RAPGEF5: variants seen among roughly 807,000 people sequenced by gnomAD.
RAPGEF5 encodes Rap guanine nucleotide exchange factor 5.
In RAPGEF5, 65 loss-of-function variants were observed where a neutral mutation model predicts 125.2. The ratio of observed to expected loss-of-function variants is 0.52; its 90% CI spans 0.43 to 0.64. The LOEUF (loss-of-function observed/expected upper bound fraction) is 0.64. Among genes scored for constraint, RAPGEF5 ranks in the 30% least tolerant of loss-of-function variants. The probability of loss-of-function intolerance (pLI) is 0.00; values close to 1 mark genes in which losing one functional copy is unlikely to be tolerated. For synonymous variants in RAPGEF5, 391 were observed against 385.9 expected, an observed-to-expected ratio of 1.01 and a Z score of -0.16; for missense variants, 958 against 1,048.1, an observed-to-expected ratio of 0.91 and a Z score of 1.19.
At chr7:22,165,436 T>A (rs569050387) in intron 12 of RAPGEF5, among the ~76,000 whole-genome samples, 2 of 152,320 alleles carry the variant, frequency 1.3e-5, no homozygotes, top group African/African-American at 4.8e-5. Flanking sequence ...CAGATATTTT[T>A]CCAAAACACT....
chr7:22,171,763 G>C (rs569040627), intron 11 of RAPGEF5, among the ~76,000 whole-genome samples: 1 of 152,162 alleles, frequency 6.6e-6, no homozygotes, highest in Non-Finnish European at 1.5e-5. Context: ...GCCTCCCAAA[G>C]TGCTGGGATT....
At position 22,357,066 on chromosome 7, in the gene RAPGEF5, G is replaced by A. The variant is rs1411054731; in HGVS notation, c.-6C>T. On this transcript the variant is annotated 5_prime_UTR_variant, in exon 1 of 26. Coordinates refer to ENST00000665637, the MANE Select transcript of RAPGEF5 (RefSeq NM_012294.5). Reference sequence around the variant, plus strand: ...GAGCCCACGGCCATCCTCATGCCCTGACGGCGCTGCGGCGCCGGGGGCTCC... The same window carrying A: ...GAGCCCACGGCCATCCTCATGCCCTAACGGCGCTGCGGCGCCGGGGGCTCC... The A allele has an allele frequency of 9.6e-7, 1 of 1,038,828 alleles. No homozygotes were observed. Among genetic ancestry groups the A allele is most frequent in the Non-Finnish European group, 1.2e-6 (1 of 865,718 alleles). 64.4% of individuals were successfully genotyped at this position (1,038,828 alleles called of 1,614,324 possible).
intron 16 of RAPGEF5, among the ~76,000 whole-genome samples, chr7:22,155,913 T>A (rs1412553075): frequency 6.6e-6 from 1 of 152,134 alleles, no homozygotes; most frequent in East Asian, 1.9e-4. Flanking sequence ...AACTACACGA[T>A]GAAACTTTAA....
chr7:22,296,935 A>G (rs1783076690), intron 5 of RAPGEF5, among the ~76,000 whole-genome samples: 1 of 152,210 alleles, frequency 6.6e-6, no homozygotes, highest in Non-Finnish European at 1.5e-5. Context: ...GGACTGAAAA[A>G]TCAGCATTTT....
intron 5 of RAPGEF5, among the ~76,000 whole-genome samples, chr7:22,298,915 G>T (rs1407409714): frequency 6.6e-6 from 1 of 151,740 alleles, no homozygotes; most frequent in Non-Finnish European, 1.5e-5. Flanking sequence ...ATATTCATTT[G>T]TTAGCTTTCA....
In RAPGEF5 at chr7:22,122,413, C is replaced by T. The variant is rs1438940353; in HGVS notation, c.2645G>A (p.Arg882Gln). ...LFELSHRIEP[R>Q]V The stretch of plus-strand genomic sequence containing the variant: ...GAGGTGAGGCAGTGGGGCTCACACC[C>T]GAGGCTCGATCCTGTGTGAGAGCTC... The change falls in exon 26 of 26, where the codon CGG becomes CAG. Residue 882 changes from arginine to glutamine, a missense_variant. By Grantham distance (43) the Arg-to-Gln change is conservative (BLOSUM62 1). Coordinates refer to ENST00000665637, the MANE Select transcript of RAPGEF5 (RefSeq NM_012294.5). 3.1e-6 allele frequency: 5 copies of T among 1,612,598 alleles called. No individual in the cohort carries two copies. Among genetic ancestry groups the T allele is most frequent in the East Asian group, 2.2e-5 (1 of 44,868 alleles).
intron 5 of RAPGEF5, among the ~76,000 whole-genome samples, chr7:22,292,702 T>G (rs1782961069): frequency 6.6e-6 from 1 of 152,146 alleles, no homozygotes; most frequent in African/African-American, 2.4e-5. Flanking sequence ...GACAGGAAAT[T>G]AAGAACCAAA....
chr7:22,246,139 T>C (rs538801438), intron 7 of RAPGEF5, among the ~76,000 whole-genome samples: 1 of 152,144 alleles, frequency 6.6e-6, no homozygotes, highest in Non-Finnish European at 1.5e-5. Context: ...ATCGTTAAAA[T>C]GGCCATACTG....
intron 5 of RAPGEF5, among the ~76,000 whole-genome samples, chr7:22,304,817 G>C (rs1783295280): frequency 6.6e-6 from 1 of 152,176 alleles, no homozygotes; most frequent in South Asian, 2.1e-4. Flanking sequence ...ACTGCTCCTT[G>C]ACTTTTCTCA....
chr7:22,289,117 G>A (rs1021796308), intron 6 of RAPGEF5, among the ~76,000 whole-genome samples: 5 of 151,994 alleles, frequency 3.3e-5, no homozygotes, highest in African/African-American at 1.2e-4. Context: ...TTTCTGTTGT[G>A]GTCTTGAATT....
chr7:22,294,633 C>G (rs1382392049), intron 5 of RAPGEF5, among the ~76,000 whole-genome samples: 3 of 152,192 alleles, frequency 2.0e-5, no homozygotes, highest in African/African-American at 7.2e-5. Context: ...CTCCATCCTT[C>G]CAACTGGAAG....
At chr7:22,276,958 A>G (rs926866467) in intron 6 of RAPGEF5, among the ~76,000 whole-genome samples, 2 of 152,188 alleles carry the variant, frequency 1.3e-5, no homozygotes, top group African/African-American at 4.8e-5. Flanking sequence ...TTAATATTGC[A>G]TATGTTTAAG....
chr7:22,143,148 C>T (rs1383063240), intron 20 of RAPGEF5, among the ~76,000 whole-genome samples: 1 of 152,136 alleles, frequency 6.6e-6, no homozygotes, highest in Admixed American at 6.5e-5. Context: ...CCAAAAGAGC[C>T]TCACCTTTAG....
At chr7:22,269,147 G>A (rs888288687) in intron 6 of RAPGEF5, among the ~76,000 whole-genome samples, 17 of 143,750 alleles carry the variant, frequency 1.2e-4, no homozygotes, top group African/African-American at 3.7e-4. Flanking sequence ...GATAGCTTCC[G>A]TGTTTCTGCA....
intron 11 of RAPGEF5, among the ~76,000 whole-genome samples, chr7:22,171,384 G>A (rs1474661992): frequency 6.6e-6 from 1 of 152,172 alleles, no homozygotes; most frequent in East Asian, 1.9e-4. Context: ...CAAATTCATA[G>A]TTGCCATACA....
intron 11 of RAPGEF5, among the ~76,000 whole-genome samples, chr7:22,187,488 G>A (rs1410438471): frequency 6.6e-6 from 1 of 152,090 alleles, no homozygotes; most frequent in Non-Finnish European, 1.5e-5. Context: ...GAAACCTAAG[G>A]ACCATCCAGG....
At chr7:22,341,436 C>T (rs1784127912) in intron 1 of RAPGEF5, among the ~76,000 whole-genome samples, 1 of 152,174 alleles carries the variant, frequency 6.6e-6, no homozygotes, top group South Asian at 2.1e-4. Context: ...ATCTCATGTC[C>T]TCACATTTCA....
At chr7:22,131,122 GATGT>G in intron 23 of RAPGEF5, 21 bp from the exon 24 acceptor site, 1 of 1,523,728 alleles carries the variant, frequency 6.6e-7, no homozygotes, top group Non-Finnish European at 8.8e-7. Flanking sequence ...AAAACAAAAA[GATGT>G]ATGTATCATT....
At chr7:22,306,178 G>A (rs1468175803) in intron 5 of RAPGEF5, among the ~76,000 whole-genome samples, 1 of 152,084 alleles carries the variant, frequency 6.6e-6, no homozygotes, top group African/African-American at 2.4e-5. Flanking sequence ...AGTGTACAAG[G>A]GTTCCCTTTT....
Sources: gnomAD v4.1 joint callset for allele counts (sites outside exome capture counted in the v4.1 genomes callset) on GRCh38, gnomAD v4.1.1 for gene constraint, MANE v1.5 for transcripts, NCBI Gene and HGNC (gene_info 2026-07-23, HGNC 2026-07-21) for gene names.